Variants in DNAH11 observed in about 807,000 individuals in gnomAD.
DNAH11 encodes axonemal beta dynein heavy chain 11.
DNAH11 carries 442 observed loss-of-function variants against 526.0 expected under a neutral mutation model. The observed-to-expected ratio is 0.84, with a 90% CI of 0.78 to 0.91. DNAH11 has a LOEUF of 0.91. DNAH11 is among the 40% of genes least tolerant of loss of function. The pLI is 0.00. For synonymous variants in DNAH11, 2,461 were observed against 1,935.9 expected, an observed-to-expected ratio of 1.27 and a Z score of -7.12; for missense variants, 6,989 against 5,448.7, an observed-to-expected ratio of 1.28 and a Z score of -8.90.
chr7:21,717,591 C>G (rs1583623003), intron 42 of DNAH11, among the ~76,000 whole-genome samples, 184 bp from the exon 43 acceptor site: 1 of 151,874 alleles, frequency 6.6e-6, no homozygotes, highest in African/African-American at 2.4e-5. Flanking sequence ...GGTAAAATGG[C>G]CATTAAAACA....
chr7:21,782,753 A>G (rs1036929260), intron 57 of DNAH11, among the ~76,000 whole-genome samples: 1 of 152,120 alleles, frequency 6.6e-6, no homozygotes, highest in Non-Finnish European at 1.5e-5. Context: ...TACTAAAAAT[A>G]TAAAAAATCA....
intron 75 of DNAH11, among the ~76,000 whole-genome samples, chr7:21,883,909 G>T (rs1784025463): frequency 6.6e-6 from 1 of 152,112 alleles, no homozygotes; most frequent in African/African-American, 2.4e-5. Context: ...GAGATGTAGT[G>T]TCCTGTGCCT....
At chr7:21,582,620 AT>A (rs1258903430) in intron 9 of DNAH11, among the ~76,000 whole-genome samples, 1 of 152,222 alleles carries the variant, frequency 6.6e-6, no homozygotes, top group Admixed American at 6.5e-5. Context: ...TAAGAGTTAT[AT>A]AAAAGAAAAG....
chr7:21,741,672 G>A (rs182751236), intron 48 of DNAH11, among the ~76,000 whole-genome samples: 35 of 152,274 alleles, frequency 2.3e-4, no homozygotes, highest in Admixed American at 5.2e-4. Flanking sequence ...AGGGCCTGCA[G>A]AGTTTATGGC....
intron 56 of DNAH11, 63 bp downstream of exon 56, chr7:21,774,062 C>T (rs1257176998): frequency 1.3e-5 from 18 of 1,364,398 alleles, no homozygotes; most frequent in Non-Finnish European, 1.8e-5. Flanking sequence ...AATATATTTC[C>T]TTTTGAAGCA....
chr7:21,714,613 G>GT (rs1205066027), intron 42 of DNAH11, among the ~76,000 whole-genome samples: 29 of 151,914 alleles, frequency 1.9e-4, no homozygotes, highest in Admixed American at 5.2e-4. Context: ...AGCGAATCTC[G>GT]TAAGTCTCAG....
Position 21,868,023 on chromosome 7 carries a change from G to T in DNAH11, c.11839+16G>T. 6.7e-7 allele frequency: 1 copy of T among 1,501,078 alleles called. No homozygotes were observed. Among genetic ancestry groups the T allele is most frequent in the Non-Finnish European group, 8.9e-7 (1 of 1,119,382 alleles). 93.0% of individuals were successfully genotyped at this position (1,501,078 alleles called of 1,614,324 possible). On this transcript the variant is annotated intron_variant, in intron 72 of 81. Transcript: ENST00000409508. The stretch of plus-strand genomic sequence containing the variant: ...GAGATTCTTGGTGAGTGGCTGGGAG[G>T]CTCGCTGGCCCGCCCCTTCTCCCTC...
intron 2 of DNAH11, among the ~76,000 whole-genome samples, chr7:21,545,955 T>G (rs1648709530): frequency 6.6e-6 from 1 of 152,112 alleles, no homozygotes; most frequent in South Asian, 2.1e-4. Flanking sequence ...CCATACCAGT[T>G]AATTTAGAAC....
chr7:21,660,086 C>T (rs1053022552), intron 30 of DNAH11, among the ~76,000 whole-genome samples: 1 of 152,060 alleles, frequency 6.6e-6, no homozygotes, highest in Non-Finnish European at 1.5e-5. Context: ...TGGCTGGTTT[C>T]TTCCTACGGT....
intron 46 of DNAH11, among the ~76,000 whole-genome samples, chr7:21,738,154 C>T (rs962797799): frequency 1.3e-5 from 2 of 152,110 alleles, no homozygotes; most frequent in Non-Finnish European, 2.9e-5. Flanking sequence ...AAAATAGACA[C>T]AAAGTCATAT....
intron 57 of DNAH11, among the ~76,000 whole-genome samples, chr7:21,782,709 C>G (rs1302773267): frequency 6.6e-6 from 1 of 152,060 alleles, no homozygotes; most frequent in African/African-American, 2.4e-5. Flanking sequence ...GTCAGCAGTT[C>G]AAGACCAGCC....
intron 28 of DNAH11, 87 bp from the exon 29 acceptor site, chr7:21,655,745 C>A (rs910587894): frequency 1.5e-5 from 20 of 1,345,910 alleles, no homozygotes; most frequent in Admixed American, 2.2e-5. Flanking sequence ...CATAACGTTT[C>A]ATGACTTCAT....
chr7:21,829,075 G>C (rs371941532), intron 65 of DNAH11, among the ~76,000 whole-genome samples: 1 of 152,044 alleles, frequency 6.6e-6, no homozygotes, highest in Non-Finnish European at 1.5e-5. Context: ...GGTTTGCTAC[G>C]TTTGCTACAC....
intron 45 of DNAH11, among the ~76,000 whole-genome samples, chr7:21,727,440 A>G (rs576985470): frequency 2.6e-5 from 4 of 152,306 alleles, no homozygotes; most frequent in South Asian, 2.1e-4. Flanking sequence ...CCAGCTATCA[A>G]ATGAATATGT....
chr7:21,819,122 C>T (rs570203144), intron 65 of DNAH11, among the ~76,000 whole-genome samples: 8 of 152,246 alleles, frequency 5.3e-5, no homozygotes, highest in South Asian at 4.1e-4. Context: ...TTCACACAAC[C>T]GACATTCACT....
rs369533487 is a variant in DNAH11, at chr7:21,590,924, G to A, written c.2176G>A (p.Ala726Thr). Residue 726 changes from alanine to threonine, a missense_variant, in exon 13 of 82, where the codon GCT becomes ACT. By Grantham distance (58) the Ala-to-Thr change is moderately conservative (BLOSUM62 0). Transcript: ENST00000409508. ...AATAATTGTATTTTAATAGCTAGTG[G>A]CTGTATTGAGAGAAGTGAAATATCT... ...LCVNFDPKLV[A>T]VLREVKYLLM... 2.1e-6 allele frequency: 3 copies of A among 1,456,038 alleles called. No individual in the cohort carries two copies. Among genetic ancestry groups the A allele is most frequent in the African/African-American group, 1.5e-5 (1 of 67,298 alleles). 90.2% of individuals were successfully genotyped at this position (1,456,038 alleles called of 1,614,324 possible).
chr7:21,749,773 C>G lies in DNAH11; in HGVS notation c.8769C>G (p.Leu2923=), dbSNP rs1192451121. The change falls in exon 53 of 82, where the codon CTC becomes CTG. Residue 2923 remains leucine (L), a synonymous_variant. Transcript: ENST00000409508. ...TDAQVLDESF[L]VLINDLLASG... ...CCCAGGTTCTAGATGAGAGCTTCCT[C>G]GTGCTGATTAATGACTTGCTGGCAT... The G allele has an allele frequency of 1.9e-6, 3 of 1,613,940 alleles. No homozygotes were observed. Among genetic ancestry groups the G allele is most frequent in the Non-Finnish European group, 1.7e-6 (2 of 1,179,832 alleles).
chr7:21,854,566 T>G, intron 68 of DNAH11, 111 bp downstream of exon 68: 3 of 1,170,868 alleles, frequency 2.6e-6, no homozygotes, highest in Non-Finnish European at 3.5e-6. Context: ...ATTACTATTA[T>G]TGAGACAGAG....
chr7:21,716,756 C>T (rs1784681315), intron 42 of DNAH11, among the ~76,000 whole-genome samples: 1 of 152,212 alleles, frequency 6.6e-6, no homozygotes. Flanking sequence ...TCAGGCTACT[C>T]TTATGCAATT....
Sources: allele counts gnomAD v4.1 joint callset (sites outside exome capture counted in the v4.1 genomes callset), GRCh38; gene constraint gnomAD v4.1.1; transcripts MANE v1.5; gene names NCBI Gene and HGNC (gene_info 2026-07-23, HGNC 2026-07-21).